The following DPY19L2 variants were observed in gnomAD, a reference collection of about 807,000 sequenced individuals.
DPY19L2 encodes probable C-mannosyltransferase DPY19L2.
In DPY19L2, 34 loss-of-function variants were observed where a neutral mutation model predicts 97.9. The observed-to-expected ratio is 0.35, with a 90% confidence interval of 0.26 to 0.46. The LOEUF (loss-of-function observed/expected upper bound fraction) is 0.46. Ranked by LOEUF, DPY19L2 falls within the 20% of genes least tolerant of loss-of-function variation. DPY19L2 has a pLI of 1.00. For synonymous variants in DPY19L2, 230 were observed against 307.9 expected (o/e 0.75, Z 2.65); for missense variants, 623 against 911.4 (o/e 0.68, Z 4.07).
In DPY19L2 at chr12:63,649,679, C is replaced by G. The variant is rs950348125; in HGVS notation, c.589-2314G>C. ...AATAACAAGTTCCAAGACTGACTCA[C>G]CAATAAAAAGCCTACCAGCCAGAAA... On this transcript the variant is annotated intron_variant, in intron 4 of 21. Coordinates refer to ENST00000324472, the MANE Select transcript of DPY19L2 (RefSeq NM_173812.5). 2.1e-4 allele frequency among the ~76,000 whole-genome samples: 32 copies of G among 152,226 alleles called. 1 individual carries two copies. The highest frequency in any genetic ancestry group is 1.9e-3 in the Admixed American group (29 of 15,282).
chr12:63,590,093 A>G (rs1882628367), intron 16 of DPY19L2, among the ~76,000 whole-genome samples: 1 of 152,018 alleles, frequency 6.6e-6, no homozygotes, highest in Non-Finnish European at 1.5e-5. Flanking sequence ...GTGCCACTGC[A>G]TACACAGCAG....
At chr12:63,601,403 G>T (rs1885170448) in intron 12 of DPY19L2, among the ~76,000 whole-genome samples, 1 of 152,144 alleles carries the variant, frequency 6.6e-6, no homozygotes, top group African/African-American at 2.4e-5. Flanking sequence ...CTTCTGGTTA[G>T]CCTGGGGAAA....
At chr12:63,581,020 G>C (rs1880791295) in intron 18 of DPY19L2, among the ~76,000 whole-genome samples, 184 bp from the exon 19 acceptor site, 1 of 152,078 alleles carries the variant, frequency 6.6e-6, no homozygotes, top group Non-Finnish European at 1.5e-5. Context: ...ACAGGGCCCA[G>C]GTGAAAATGG....
intron 4 of DPY19L2, among the ~76,000 whole-genome samples, chr12:63,656,495 C>T (rs1894992631): frequency 6.6e-6 from 1 of 152,100 alleles, no homozygotes. Flanking sequence ...TTTGCATATG[C>T]ATGTTTGGTT....
chr12:63,560,566 A>C lies in DPY19L2; in HGVS notation c.2223T>G (p.Pro741=). The change falls in exon 22 of 22, where the codon CCT becomes CCG. Residue 741 remains proline (P), a synonymous_variant. Transcript: ENST00000324472. ...LCSVLLEDAR[P]YFTTVFQNSV... ...TATTCTGAAATACTGTGGTGAAGTA[A>C]GGCCTGGCGTCTTCGAGCAGGACGC... The C allele has an allele frequency of 1.2e-6, 2 of 1,614,092 alleles. No homozygotes were observed. The highest frequency in any genetic ancestry group is 1.7e-6 in the Non-Finnish European group (2 of 1,179,954).
At chr12:63,605,740 G>T (rs1316717849) in intron 12 of DPY19L2, among the ~76,000 whole-genome samples, 8 of 152,124 alleles carry the variant, frequency 5.3e-5, no homozygotes, top group Non-Finnish European at 1.2e-4. Context: ...ATATCAAAAA[G>T]ACATCCAGCT....
At chr12:63,620,674 G>C (rs1218674082) in intron 9 of DPY19L2, among the ~76,000 whole-genome samples, 3 of 152,024 alleles carry the variant, frequency 2.0e-5, no homozygotes, top group Non-Finnish European at 4.4e-5. Flanking sequence ...AATTTATATG[G>C]AAACAACCAA....
At chr12:63,570,050 A>G (rs1878510114) in intron 20 of DPY19L2, among the ~76,000 whole-genome samples, 1 of 152,172 alleles carries the variant, frequency 6.6e-6, no homozygotes, top group Non-Finnish European at 1.5e-5. Flanking sequence ...GTCTGACTCC[A>G]AGCCCTGGCT....
At chr12:63,594,286 C>A (rs78321715) in intron 15 of DPY19L2, among the ~76,000 whole-genome samples, 153 bp from the exon 16 acceptor site, 4 of 151,936 alleles carry the variant, frequency 2.6e-5, no homozygotes, top group Non-Finnish European at 5.9e-5. Context: ...ACTATAGATG[C>A]CTTCCTTTTC....
intron 6 of DPY19L2, among the ~76,000 whole-genome samples, chr12:63,638,880 G>C (rs1892209175): frequency 1.3e-5 from 2 of 152,094 alleles, no homozygotes; most frequent in Admixed American, 6.5e-5. Context: ...AACCAAAAAA[G>C]AGCCCGCATT....
At chr12:63,584,829 C>T (rs1348524930) in intron 16 of DPY19L2, among the ~76,000 whole-genome samples, 1 of 152,192 alleles carries the variant, frequency 6.6e-6, no homozygotes, top group African/African-American at 2.4e-5. Flanking sequence ...AAAGAAAAAA[C>T]ATCATATGCT....
intron 3 of DPY19L2, among the ~76,000 whole-genome samples, chr12:63,662,889 C>CA (rs1208555494): frequency 2.6e-5 from 4 of 152,042 alleles, no homozygotes; most frequent in African/African-American, 7.2e-5. Flanking sequence ...CTGGCATAGG[C>CA]AAAATCACAG....
At position 63,617,462 on chromosome 12, in the gene DPY19L2, T is replaced by C. The variant is rs192782867; in HGVS notation, c.1132-72A>G. The stretch of plus-strand genomic sequence containing the variant: ...GCATAATGCATATTTTGTAGGTATA[T>C]AGCCATTTCTAATGCAAATTTATTT... On this transcript the variant is annotated intron_variant, in intron 10 of 21. Coordinates refer to ENST00000324472, the MANE Select transcript of DPY19L2 (RefSeq NM_173812.5). 166 of 967,384 alleles carry C rather than the reference T, an allele frequency of 1.7e-4. No homozygotes were observed. In the African/African-American group the frequency reaches 2.3e-3, roughly 14 times the overall value. 59.9% of individuals were successfully genotyped at this position (967,384 alleles called of 1,614,324 possible).
intron 4 of DPY19L2, among the ~76,000 whole-genome samples, chr12:63,653,206 C>T (rs1418776170): frequency 6.6e-6 from 1 of 151,888 alleles, no homozygotes; most frequent in Non-Finnish European, 1.5e-5. Flanking sequence ...ATCCTACATT[C>T]ATGTCATTGG....
At chr12:63,598,947 C>G (rs1215903370) in intron 13 of DPY19L2, among the ~76,000 whole-genome samples, 4 of 151,076 alleles carry the variant, frequency 2.6e-5, no homozygotes, top group Non-Finnish European at 4.4e-5. Flanking sequence ...CCCAGGCAGG[C>G]GGATCACTTG....
At chr12:63,623,691 G>A (rs1889068987) in intron 8 of DPY19L2, 1 of 196,778 alleles carries the variant, frequency 5.1e-6, no homozygotes, top group South Asian at 9.9e-5. Context: ...AGATTGAAGT[G>A]TATATATGTA....
chr12:63,623,354 C>T (rs976940202), intron 8 of DPY19L2, among the ~76,000 whole-genome samples: 3 of 152,138 alleles, frequency 2.0e-5, no homozygotes, highest in East Asian at 1.9e-4. Context: ...CATCTAACTC[C>T]GCATTTCCCA....
At chr12:63,563,402 G>T (rs1222903513) in intron 21 of DPY19L2, among the ~76,000 whole-genome samples, 1 of 152,002 alleles carries the variant, frequency 6.6e-6, no homozygotes, top group Non-Finnish European at 1.5e-5. Flanking sequence ...TATATTCTTG[G>T]ATTCTTAGTA....
At chr12:63,619,884 T>G in intron 9 of DPY19L2, 1 of 428,964 alleles carries the variant, frequency 2.3e-6, no homozygotes, top group Non-Finnish European at 4.6e-6. Flanking sequence ...TAAAAATCTA[T>G]TCTACTCTGT....
Sources: allele counts gnomAD v4.1 joint callset (sites outside exome capture counted in the v4.1 genomes callset), GRCh38; gene constraint gnomAD v4.1.1; transcripts MANE v1.5; gene names NCBI Gene and HGNC (gene_info 2026-07-23, HGNC 2026-07-21).